The following PPME1 variants were observed in gnomAD, a reference collection of about 807,000 sequenced individuals.
The protein encoded by PPME1 is protein phosphatase methylesterase 1, also known as testicular secretory protein Li 39.
Under a neutral mutation model 56.9 loss-of-function variants are expected in PPME1, and 17 were observed. That is an observed-to-expected ratio of 0.30 (90% CI 0.20 to 0.45). The LOEUF (loss-of-function observed/expected upper bound fraction) is 0.45. Among genes scored for constraint, PPME1 ranks in the 20% least tolerant of loss-of-function variants. PPME1 has a pLI of 1.00. For synonymous variants in PPME1, 122 were observed against 156.2 expected (o/e 0.78, Z 1.63); for missense variants, 357 against 483.2 (o/e 0.74, Z 2.45).
chr11:74,229,621 A>C (rs1239469026), intron 5 of PPME1, among the ~76,000 whole-genome samples: 1 of 152,220 alleles, frequency 6.6e-6, no homozygotes, highest in Non-Finnish European at 1.5e-5. Context: ...GAAATTGTAA[A>C]TAATAATTAA....
intron 3 of PPME1, among the ~76,000 whole-genome samples, chr11:74,219,954 G>A (rs2154970): frequency 3.6e-4 from 55 of 152,186 alleles, no homozygotes; most frequent in African/African-American, 1.3e-3. Context: ...TTAAAGTGAT[G>A]GCTACCTCAT....
intron 1 of PPME1, among the ~76,000 whole-genome samples, chr11:74,173,090 A>G (rs1193950846): frequency 1.3e-5 from 2 of 152,218 alleles, no homozygotes; most frequent in African/African-American, 2.4e-5. Context: ...AGGAGGAGAT[A>G]GAGAGATAGA....
chr11:74,175,301 A>C (rs1857376052), intron 1 of PPME1, among the ~76,000 whole-genome samples: 1 of 152,076 alleles, frequency 6.6e-6, no homozygotes, highest in African/African-American at 2.4e-5. Context: ...TCGGGAGTTC[A>C]AGACCAGCCT....
At chr11:74,248,507 A>G (rs1272731788) in intron 11 of PPME1, 9 of 152,230 alleles carry the variant, frequency 5.9e-5, no homozygotes, top group African/African-American at 2.2e-4. Context: ...GCTCTCACAT[A>G]TAAAACTCTG....
chr11:74,217,658 A>T (rs1474309629), intron 3 of PPME1, among the ~76,000 whole-genome samples: 2 of 152,122 alleles, frequency 1.3e-5, no homozygotes, highest in African/African-American at 2.4e-5. Context: ...ACATCATATC[A>T]ACAGAATGAA....
Position 74,251,008 on chromosome 11 carries a change from C to A in PPME1, c.1064C>A (p.Ala355Asp), listed in dbSNP as rs763885308. The A allele has an allele frequency of 7.5e-6, 12 of 1,596,512 alleles. No individual in the cohort carries two copies. The highest frequency in any genetic ancestry group is 1.0e-5 in the Non-Finnish European group (12 of 1,171,322). Residue 355 changes from alanine (A) to aspartate (D), a missense_variant, in exon 12 of 14, where the codon GCC (alanine) becomes GAC (aspartate). Around this residue, in one of 2 missense-constraint regions of PPME1, gnomAD observed 182 missense variants for 293.8 expected, o/e 0.62. Transcript: ENST00000328257. Reference sequence around the variant, plus strand: ...TGTGGCCATGCAGTCCATGAGGATGCCCCTGACAAGGTGAGTCTGGTGCTC... The same window carrying A: ...TGTGGCCATGCAGTCCATGAGGATGACCCTGACAAGGTGAGTCTGGTGCTC... Reference protein sequence around the residue: ...PQCGHAVHEDAPDKVAEAVAT... With the variant: ...PQCGHAVHEDDPDKVAEAVAT...
At chr11:74,196,168 G>A (rs1457036971) in intron 1 of PPME1, among the ~76,000 whole-genome samples, 1 of 152,200 alleles carries the variant, frequency 6.6e-6, no homozygotes, top group East Asian at 1.9e-4. Context: ...CAGAGCCCAT[G>A]TTCTTATCCA....
At chr11:74,215,345 GAA>G (rs1858602069) in intron 3 of PPME1, among the ~76,000 whole-genome samples, 1 of 152,100 alleles carries the variant, frequency 6.6e-6, no homozygotes, top group South Asian at 2.1e-4. Flanking sequence ...TTAGAAAAAA[GAA>G]AAGAAGTAGA....
At chr11:74,219,352 TA>T (rs1293304710) in intron 3 of PPME1, among the ~76,000 whole-genome samples, 3 of 143,618 alleles carry the variant, frequency 2.1e-5, no homozygotes, top group Non-Finnish European at 4.6e-5. Context: ...AAAAAAAAAC[TA>T]AAAATAGAAC....
chr11:74,231,273 G>A (rs1238770518), intron 7 of PPME1, among the ~76,000 whole-genome samples: 1 of 152,176 alleles, frequency 6.6e-6, no homozygotes, highest in Non-Finnish European at 1.5e-5. Context: ...GCCCAGGCTG[G>A]CTTCAAGTAA....
intron 12 of PPME1, chr11:74,251,290 A>G (rs1170695162): frequency 2.2e-6 from 3 of 1,361,322 alleles, no homozygotes; most frequent in Non-Finnish European, 2.8e-6. Context: ...AATACCCCCA[A>G]AAGCCAGAGA....
intron 3 of PPME1, among the ~76,000 whole-genome samples, chr11:74,206,641 C>T (rs566627876): frequency 6.6e-6 from 1 of 152,156 alleles, no homozygotes. Context: ...AATCATAGCT[C>T]ACTACAACCT....
intron 5 of PPME1, among the ~76,000 whole-genome samples, chr11:74,226,275 T>C (rs1858929690): frequency 6.6e-6 from 1 of 152,192 alleles, no homozygotes; most frequent in Non-Finnish European, 1.5e-5. Flanking sequence ...GTAATACAGA[T>C]ATACCCTTTT....
intron 1 of PPME1, among the ~76,000 whole-genome samples, chr11:74,194,371 G>A (rs893108042): frequency 7.0e-6 from 1 of 142,276 alleles, no homozygotes; most frequent in Non-Finnish European, 1.5e-5. Context: ...TGTGTGCATC[G>A]CAAAACTTCA....
chr11:74,201,880 G>A (rs1252170643), intron 1 of PPME1, among the ~76,000 whole-genome samples: 3 of 152,092 alleles, frequency 2.0e-5, no homozygotes, highest in African/African-American at 7.2e-5. Context: ...AGGTAGATTT[G>A]TGAGTAACTT....
chr11:74,171,411 GC>G lies in PPME1; in HGVS notation c.-9del. ...CCTACTGTTTGACTACGTGCGTGCA[GC>G]CTCCCCTCGATGTCGGCCCTCGAAA... On this transcript the variant is annotated 5_prime_UTR_variant, in exon 1 of 14. Transcript: ENST00000328257. The G allele has an allele frequency of 1.2e-6, 2 of 1,607,390 alleles. No individual in the cohort carries two copies. Among genetic ancestry groups the G allele is most frequent in the Non-Finnish European group, 1.7e-6 (2 of 1,177,096 alleles).
chr11:74,217,347 G>A (rs1201194355), intron 3 of PPME1, among the ~76,000 whole-genome samples: 1 of 151,952 alleles, frequency 6.6e-6, no homozygotes, highest in African/African-American at 2.4e-5. Context: ...TTCAAGATCA[G>A]CCTGGCCAAC....
At chr11:74,233,807 G>C (rs138732779) in intron 7 of PPME1, among the ~76,000 whole-genome samples, 94 of 152,282 alleles carry the variant, frequency 6.2e-4, no homozygotes, top group African/African-American at 2.2e-3. Flanking sequence ...GAACAACAGA[G>C]TGAGACCTTG....
chr11:74,233,727 T>G (rs936074614), intron 7 of PPME1, among the ~76,000 whole-genome samples: 11 of 152,072 alleles, frequency 7.2e-5, no homozygotes, highest in Non-Finnish European at 8.8e-5. Context: ...GAGGCTGAGG[T>G]GGGAGGATCA....
Sources: gnomAD v4.1 joint callset for allele counts (sites outside exome capture counted in the v4.1 genomes callset) on GRCh38, gnomAD v4.1.1 for gene constraint, gnomAD v4.1.1 regional missense constraint, MANE v1.5 for transcripts, NCBI Gene and HGNC (gene_info 2026-07-23, HGNC 2026-07-21) for gene names.